Variants in SCP2 observed in about 807,000 individuals in gnomAD.
SCP2 encodes the protein sterol carrier protein 2.
SCP2 carries 48 observed loss-of-function variants against 71.4 expected under a neutral mutation model. The ratio of observed to expected loss-of-function variants is 0.67; its 90% CI spans 0.53 to 0.86. The LOEUF (loss-of-function observed/expected upper bound fraction) is 0.86, where lower values mean the gene tolerates loss of function less well. Among genes scored for constraint, SCP2 ranks in the 40% least tolerant of loss-of-function variants. The pLI is 0.00. For missense variants in SCP2, 560 were observed against 655.6 expected (o/e 0.85, Z 1.59); for synonymous variants, 220 against 218.1 (o/e 1.01, Z -0.08).
Position 53,050,605 on chromosome 1 carries a change from A to C in SCP2, c.1549-4A>C, listed in dbSNP as rs754585943. On this transcript the variant is annotated splice_polypyrimidine_tract_variant and splice_region_variant and intron_variant, in intron 15 of 15. Coordinates refer to ENST00000371514, the MANE Select transcript of SCP2 (RefSeq NM_002979.5). ...AAGTAATGAATTTTCTTTCTTCTTCACAGGCCTTCTTTCAAGGCAAATTGA... is the reference window on the plus strand; with the variant it reads ...AAGTAATGAATTTTCTTTCTTCTTCCCAGGCCTTCTTTCAAGGCAAATTGA... 1 of 1,604,628 alleles carries C rather than the reference A, an allele frequency of 6.2e-7. No homozygotes were observed. The highest frequency in any genetic ancestry group is 1.1e-5 in the South Asian group (1 of 90,902).
chr1:52,966,523 A>G (rs143014105), intron 6 of SCP2, among the ~76,000 whole-genome samples: 1 of 151,930 alleles, frequency 6.6e-6, no homozygotes, highest in African/African-American at 2.4e-5. Context: ...AGTAATTTCA[A>G]ATCATTATTT....
intron 15 of SCP2, chr1:53,050,240 G>T: frequency 4.1e-6 from 1 of 246,580 alleles, no homozygotes; most frequent in African/African-American, 2.3e-5. Flanking sequence ...TGTGTTTTTT[G>T]TGTATGCTTT....
rs750820684 is a variant in SCP2 at position 52,988,078 on chromosome 1, G to A, written c.1023G>A (p.Lys341=). The A allele has an allele frequency of 1.9e-6, 3 of 1,609,640 alleles. No individual in the cohort carries two copies. In the East Asian group the frequency reaches 6.7e-5, roughly 36 times the overall value. ...GAGGAGATAATACATATGGAGGAAA[G>A]TGGGTCATAAATCCTAGTGGTGGAC... ...VDRGDNTYGG[K]WVINPSGGLI... Residue 341 remains lysine, a synonymous_variant, in exon 11 of 16, where the codon AAG becomes AAA. Transcript: ENST00000371514.
intron 10 of SCP2, among the ~76,000 whole-genome samples, chr1:52,986,018 C>T (rs1183886995): frequency 6.6e-6 from 1 of 151,078 alleles, no homozygotes; most frequent in Non-Finnish European, 1.5e-5. Flanking sequence ...CCCCTCTCCC[C>T]ACATAACTTA....
chr1:52,994,892 A>G, intron 11 of SCP2: 1 of 512,218 alleles, frequency 2.0e-6, no homozygotes, highest in Non-Finnish European at 3.9e-6. Flanking sequence ...GAAGCCATAG[A>G]TGGCAAATAT....
Position 52,947,041 on chromosome 1 carries a change from A to T in SCP2, c.128-968A>T, listed in dbSNP as rs372660755. On this transcript the variant is annotated intron_variant, in intron 2 of 15. Transcript: ENST00000371514. ...GCGCCCTTGCCCTCCAGCCTGGGCG[A>T]CAGAGCAAGACTCTGTCTCGAAAAA... Among the ~76,000 whole-genome samples, 24 of 147,794 alleles carry T rather than the reference A, an allele frequency of 1.6e-4. 2 individuals are homozygous for T. In the East Asian group the frequency reaches 3.0e-3, roughly 18 times the overall value.
rs1252089146 is a variant in SCP2, at chr1:53,051,084, C to T, written c.*380C>T. 1 of 165,046 alleles carries T rather than the reference C, an allele frequency of 6.1e-6. No homozygotes were observed. Among genetic ancestry groups the T allele is most frequent in the Non-Finnish European group, 1.3e-5 (1 of 75,664 alleles). 10.2% of individuals were successfully genotyped at this position (165,046 alleles called of 1,614,324 possible). A position where few individuals can be genotyped will look rare whatever the true frequency, so the allele number is the denominator to read the frequency against. ...CTGAAGATTCAGTTTAAGAGTTTTC[C>T]TTGGGAGAACTAAGTAAGAAACACA... is the stretch of plus-strand genomic sequence containing the variant. On this transcript the variant is annotated 3_prime_UTR_variant, in exon 16 of 16. Coordinates refer to ENST00000371514, the MANE Select transcript of SCP2 (RefSeq NM_002979.5).
intron 14 of SCP2, among the ~76,000 whole-genome samples, chr1:53,044,417 GATC>G (rs1663652791): frequency 6.6e-6 from 1 of 152,132 alleles, no homozygotes; most frequent in Non-Finnish European, 1.5e-5. Flanking sequence ...GACATAATTT[GATC>G]ATCTTTTGAA....
chr1:53,048,228 A>T lies in SCP2; in HGVS notation c.1548+291A>T, dbSNP rs183646006. ...ACACCTGGCTTGTGGTCAGGGGAGG[A>T]TGAAGGCAGGAGCAGCCATATCTCT... On this transcript the variant is annotated intron_variant, in intron 15 of 15. Coordinates refer to ENST00000371514, the MANE Select transcript of SCP2 (RefSeq NM_002979.5). The T allele has an allele frequency of 3.8e-4, 147 of 388,998 alleles. 1 individual carries two copies. The highest frequency in any genetic ancestry group is 2.7e-3 in the African/African-American group (130 of 48,170). The allele number at this position is 388,998 out of a possible 1,614,324, so 24.1% of individuals were successfully genotyped here. A position where few individuals can be genotyped will look rare whatever the true frequency, so the allele number is the denominator to read the frequency against.
chr1:53,051,671 A>G lies in SCP2; in HGVS notation c.*967A>G, dbSNP rs998678608. On this transcript the variant is annotated 3_prime_UTR_variant, in exon 16 of 16. Coordinates refer to ENST00000371514, the MANE Select transcript of SCP2 (RefSeq NM_002979.5). ...GCTCTCTAGATAATGCAGAATAAAGAGAAACGTTGGGGGATTTATAAACTG... is the reference window on the plus strand; with the variant it reads ...GCTCTCTAGATAATGCAGAATAAAGGGAAACGTTGGGGGATTTATAAACTG... 1.3e-5 allele frequency: 2 copies of G among 152,204 alleles called. No homozygotes were observed. The highest frequency in any genetic ancestry group is 2.9e-5 in the Non-Finnish European group (2 of 68,042). The allele number at this position is 152,204 out of a possible 1,614,324, so 9.4% of individuals were successfully genotyped here.
At chr1:52,985,465 T>C (rs1394742601) in intron 10 of SCP2, among the ~76,000 whole-genome samples, 2 of 152,184 alleles carry the variant, frequency 1.3e-5, no homozygotes, top group African/African-American at 4.8e-5. Flanking sequence ...CTCACCACTT[T>C]TGTCACTGCC....
At position 52,978,275 on chromosome 1, in the gene SCP2, T is replaced by C; in HGVS notation, c.733T>C (p.Tyr245His). 1 of 1,614,062 alleles carries C rather than the reference T, an allele frequency of 6.2e-7. No individual in the cohort carries two copies. Among genetic ancestry groups the C allele is most frequent in the Non-Finnish European group, 8.5e-7 (1 of 1,179,934 alleles). ...GGCCAGTGAAGCATTTGTACAGAAG[T>C]ATGGCCTGCAATCCAAAGCTGTGGA... is the stretch of plus-strand genomic sequence containing the variant. ...ILASEAFVQK[Y>H]GLQSKAVEIL... is the part of the protein sequence containing the mutation. The change falls in exon 9 of 16, where the codon TAT becomes CAT. Residue 245 changes from tyrosine to histidine, a missense_variant. Physicochemically the swap from Tyr to His is moderately conservative, Grantham distance 83 (BLOSUM62 2). This residue lies in a region of SCP2 where 513 missense variants were observed against 573.1 expected (regional missense o/e 0.90). Transcript: ENST00000371514.
At chr1:53,013,175 GCATGA>G (rs989744713) in intron 11 of SCP2, among the ~76,000 whole-genome samples, 2 of 148,330 alleles carry the variant, frequency 1.3e-5, no homozygotes, top group African/African-American at 5.0e-5. Flanking sequence ...GAGTGCAGTG[GCATGA>G]TTATAACTCA....
intron 2 of SCP2, among the ~76,000 whole-genome samples, chr1:52,947,333 T>C (rs999705952): frequency 2.0e-5 from 3 of 151,910 alleles, no homozygotes; most frequent in Non-Finnish European, 4.4e-5. Context: ...TAACTCGTTT[T>C]GCTTTCGTTC....
At chr1:53,048,762 G>A (rs1239971148) in intron 15 of SCP2, 3 of 152,472 alleles carry the variant, frequency 2.0e-5, no homozygotes, top group Non-Finnish European at 4.4e-5. Flanking sequence ...AAATTGTCAA[G>A]GGTCCTCTTA....
intron 1 of SCP2, among the ~76,000 whole-genome samples, chr1:52,931,373 C>T (rs541528787): frequency 3.9e-5 from 6 of 152,242 alleles, no homozygotes; most frequent in Non-Finnish European, 8.8e-5. Flanking sequence ...ACAGTTAGGT[C>T]CCAAGATCTC....
chr1:53,005,999 C>T (rs569645756), intron 11 of SCP2, among the ~76,000 whole-genome samples: 5 of 151,982 alleles, frequency 3.3e-5, no homozygotes, highest in African/African-American at 9.7e-5. Flanking sequence ...CTTCAGTAGC[C>T]GATTTGATCA....
At chr1:52,957,787 G>A (rs192224799) in intron 5 of SCP2, among the ~76,000 whole-genome samples, 34 of 152,344 alleles carry the variant, frequency 2.2e-4, no homozygotes, top group Admixed American at 2.0e-3. Context: ...TTTACATGTA[G>A]GTCTGTGATC....
chr1:53,015,185 CT>C, intron 12 of SCP2, 142 bp downstream of exon 12: 1 of 886,854 alleles, frequency 1.1e-6, no homozygotes, highest in South Asian at 1.5e-5. Flanking sequence ...AAGAACATGG[CT>C]TTAAAAGTGG....
Sources: allele counts gnomAD v4.1 joint callset (sites outside exome capture counted in the v4.1 genomes callset), GRCh38; gene constraint gnomAD v4.1.1; regional missense constraint gnomAD v4.1.1; transcripts MANE v1.5; gene names NCBI Gene and HGNC (gene_info 2026-07-23, HGNC 2026-07-21).